Variants in RFC3 observed in about 807,000 individuals in gnomAD.
RFC3 encodes A1 38 kDa subunit.
In RFC3, 41 loss-of-function variants were observed where a neutral mutation model predicts 45.1. That is an observed-to-expected ratio of 0.91 (90% CI 0.71 to 1.18). The LOEUF (loss-of-function observed/expected upper bound fraction) is 1.18. RFC3 is among the 50% of genes most tolerant of loss of function. The pLI is 0.00. For synonymous variants in RFC3, 149 were observed against 144.0 expected, an observed-to-expected ratio of 1.03 and a Z score of -0.25; for missense variants, 423 against 428.1, an observed-to-expected ratio of 0.99 and a Z score of 0.10.
At position 33,823,967 on chromosome 13, in the gene RFC3, C is replaced by A; in HGVS notation, c.276C>A (p.His92Gln). ...IEISTIASNY[H>Q]LEVNPSDAGN... ...TTAGCACCATTGCAAGTAACTACCA[C>A]CTTGAAGTTAATCCTAGGTAAGTTA... The change falls in exon 3 of 9, where the codon CAC (histidine) becomes CAA (glutamine). Residue 92 changes from histidine (H) to glutamine (Q), a missense_variant. Transcript: ENST00000380071. 6.4e-7 allele frequency: 1 copy of A among 1,553,338 alleles called. No individual in the cohort carries two copies. Among genetic ancestry groups the A allele is most frequent in the Non-Finnish European group, 8.8e-7 (1 of 1,132,690 alleles).
At chr13:33,863,585 T>G (rs192154762) in intron 8 of RFC3, among the ~76,000 whole-genome samples, 109 of 152,320 alleles carry the variant, frequency 7.2e-4, no homozygotes, top group African/African-American at 2.6e-3. Flanking sequence ...TTTTCCTGGT[T>G]CCAACCATAA....
chr13:33,949,887 C>G (rs895678406), intron 8 of RFC3, among the ~76,000 whole-genome samples: 29 of 152,026 alleles, frequency 1.9e-4, no homozygotes, highest in African/African-American at 6.5e-4. Flanking sequence ...GAGACATAAG[C>G]TTTTTTCCTG....
At chr13:33,907,157 T>C (rs969042193) in intron 8 of RFC3, among the ~76,000 whole-genome samples, 3 of 152,078 alleles carry the variant, frequency 2.0e-5, no homozygotes, top group African/African-American at 7.2e-5. Flanking sequence ...CACATACCAC[T>C]GTAGTGCTAA....
At chr13:33,899,270 C>CA (rs376074264) in intron 8 of RFC3, among the ~76,000 whole-genome samples, 2 of 120,394 alleles carry the variant, frequency 1.7e-5, no homozygotes, top group Non-Finnish European at 1.8e-5. Flanking sequence ...AACATAGAGG[C>CA]AAAAAAATTC....
intron 1 of RFC3, among the ~76,000 whole-genome samples, chr13:33,820,305 G>T (rs930377885): frequency 1.3e-5 from 2 of 152,192 alleles, no homozygotes; most frequent in Non-Finnish European, 2.9e-5. Flanking sequence ...TCTGTACTTT[G>T]CCTGAGGGCT....
intron 4 of RFC3, among the ~76,000 whole-genome samples, chr13:33,827,335 G>T (rs296895): frequency 5.3e-5 from 8 of 151,932 alleles, no homozygotes; most frequent in Non-Finnish European, 1.0e-4. Flanking sequence ...GAGTAAACAT[G>T]ACTTGTCATG....
chr13:33,928,647 T>C (rs2082831667), intron 8 of RFC3, among the ~76,000 whole-genome samples: 1 of 152,168 alleles, frequency 6.6e-6, no homozygotes, highest in Admixed American at 6.5e-5. Flanking sequence ...GGATGTGTGC[T>C]AGATTACTGA....
intron 8 of RFC3, among the ~76,000 whole-genome samples, chr13:33,925,059 A>ATATATATAGTGTACATATATATATACG (rs1566030484): frequency 1.4e-5 from 2 of 145,362 alleles, no homozygotes; most frequent in Admixed American, 6.8e-5. Flanking sequence ...ATATATATAC[A>ATATATATAGTGTACATATATATATACG]CATATATAGT....
At chr13:33,861,166 A>C (rs1450074771) in intron 8 of RFC3, among the ~76,000 whole-genome samples, 1 of 152,212 alleles carries the variant, frequency 6.6e-6, no homozygotes, top group African/African-American at 2.4e-5. Context: ...AAAAATACTA[A>C]GGGGAAAAAG....
chr13:33,894,148 A>G (rs1294167615), intron 8 of RFC3, among the ~76,000 whole-genome samples: 1 of 152,184 alleles, frequency 6.6e-6, no homozygotes, highest in Non-Finnish European at 1.5e-5. Flanking sequence ...AGAACCCTAC[A>G]CAATGAGCCA....
At position 33,863,355 on chromosome 13, in the gene RFC3, C is replaced by T. The variant is rs117807363; in HGVS notation, c.879+28138C>T. The stretch of plus-strand genomic sequence containing the variant: ...GGTCCTCACTCTGCTAGGTAACAGA[C>T]AGTTCATCTTCATGCACATAGCACT... On this transcript the variant is annotated intron_variant, in intron 8 of 8. Transcript: ENST00000434425. Among the ~76,000 whole-genome samples, 8 of 152,298 alleles carry T rather than the reference C, an allele frequency of 5.3e-5. No homozygotes were observed. In the East Asian group the frequency reaches 1.3e-3, roughly 26 times the overall value.
chr13:33,915,393 C>T (rs1292231223), intron 8 of RFC3, among the ~76,000 whole-genome samples: 1 of 152,114 alleles, frequency 6.6e-6, no homozygotes. Flanking sequence ...TATTAAACTC[C>T]AACCTTGTTC....
At position 33,907,133 on chromosome 13, in the gene RFC3, A is replaced by G. The variant is rs1010014952; in HGVS notation, c.880-58954A>G. Among the ~76,000 whole-genome samples, 8 of 151,958 alleles carry G rather than the reference A, an allele frequency of 5.3e-5. No homozygotes were observed. The South Asian group carries it at 1.5e-3, about 28-fold the overall frequency. ...GCCACTGCCACTAGCTGTGATCTGT[A>G]TTTTTCTGTTGCTCACATACCACTG... On this transcript the variant is annotated intron_variant, in intron 8 of 8. Coordinates refer to the RFC3 transcript ENST00000434425.
chr13:33,831,488 T>C (rs1466502219), intron 7 of RFC3, 134 bp downstream of exon 7: 2 of 517,030 alleles, frequency 3.9e-6, no homozygotes, highest in East Asian at 3.9e-5. Flanking sequence ...TTAAGGAAAA[T>C]GTAGCATTTA....
chr13:33,958,590 GA>G (rs2083037062), intron 8 of RFC3, among the ~76,000 whole-genome samples: 1 of 152,184 alleles, frequency 6.6e-6, no homozygotes, highest in South Asian at 2.1e-4. Flanking sequence ...ACGGAAAACA[GA>G]AGGCGTTTTT....
intron 7 of RFC3, among the ~76,000 whole-genome samples, chr13:33,832,898 C>T (rs993524013): frequency 5.9e-5 from 9 of 152,150 alleles, no homozygotes; most frequent in African/African-American, 1.9e-4. Context: ...ATAATTATCA[C>T]GTGCTTTTAT....
chr13:33,945,805 T>A (rs1163652723), intron 8 of RFC3, among the ~76,000 whole-genome samples: 1 of 152,234 alleles, frequency 6.6e-6, no homozygotes, highest in Admixed American at 6.5e-5. Context: ...ATTCTTGACT[T>A]ACTATTTTAA....
intron 8 of RFC3, among the ~76,000 whole-genome samples, chr13:33,944,428 A>G (rs903887830): frequency 3.3e-5 from 5 of 152,172 alleles, no homozygotes; most frequent in Admixed American, 6.5e-5. Flanking sequence ...TGCTGTTGAT[A>G]ATGCTCTGAG....
chr13:33,916,216 T>C (rs2082732516), intron 8 of RFC3, among the ~76,000 whole-genome samples: 1 of 152,192 alleles, frequency 6.6e-6, no homozygotes, highest in Non-Finnish European at 1.5e-5. Flanking sequence ...TGTTGTATAG[T>C]GCACATCTGA....
Sources: gnomAD v4.1 joint callset for allele counts (sites outside exome capture counted in the v4.1 genomes callset) on GRCh38, gnomAD v4.1.1 for gene constraint, MANE v1.5 for transcripts, NCBI Gene and HGNC (gene_info 2026-07-23, HGNC 2026-07-21) for gene names.